The following AHRR variants were observed in gnomAD, a reference collection of about 807,000 sequenced individuals.
AHRR encodes the protein ahR repressor.
A neutral mutation model predicts 44.0 loss-of-function variants in AHRR; 28 were observed. The observed-to-expected ratio is 0.64, with a 90% CI of 0.47 to 0.87. The LOEUF (loss-of-function observed/expected upper bound fraction) is 0.87, where lower values mean the gene tolerates loss of function less well. Ranked by LOEUF, AHRR falls within the 40% of genes least tolerant of loss-of-function variation. The probability of loss-of-function intolerance (pLI) is 0.00; values close to 1 mark genes in which losing one functional copy is unlikely to be tolerated. For missense variants in AHRR, 990 were observed against 953.9 expected (o/e 1.04, Z -0.50); for synonymous variants, 434 against 407.0 (o/e 1.07, Z -0.80).
At chr5:345,962 C>G (rs1025627957) in intron 2 of AHRR, among the ~76,000 whole-genome samples, 6 of 152,200 alleles carry the variant, frequency 3.9e-5, no homozygotes, top group Admixed American at 6.5e-5. Flanking sequence ...AGTTTGCGGC[C>G]AAGGCCTCGC....
intron 4 of AHRR, among the ~76,000 whole-genome samples, chr5:390,970 AG>A (rs1008149969): frequency 1.1e-4 from 16 of 152,222 alleles, no homozygotes; most frequent in African/African-American, 3.9e-4. Context: ...CAGCCACAGA[AG>A]GGGTCTGGGT....
chr5:328,255 ATTTTTTTT>A lies in AHRR; in HGVS notation c.-11+6459_-11+6466del, dbSNP rs70955232. Among the ~76,000 whole-genome samples, 156 of 54,274 alleles carry A rather than the reference ATTTTTTTT, an allele frequency of 2.9e-3. 1 individual carries two copies. Among genetic ancestry groups the A allele is most frequent in the African/African-American group, 8.6e-3 (145 of 16,810 alleles). The allele number at this position is 54,274 out of a possible 152,430, so 35.6% of individuals were successfully genotyped here. ...TTCTCTGCATCCTCACCAACATCTG[ATTTTTTTT>A]TTTTTTTTTTTTTTTTTTTTTTGAG... On this transcript the variant is annotated intron_variant, in intron 1 of 10. Transcript: ENST00000684583.
rs1292818085 is a variant in AHRR at position 406,296 on chromosome 5, A to G, written c.352-7048A>G. Reference sequence around the variant, plus strand: ...GCATTTCTTGCAGGAACATGGAGGGACCGGAACATGGAGGGACCAGTCCAG... The same window carrying G: ...GCATTTCTTGCAGGAACATGGAGGGGCCGGAACATGGAGGGACCAGTCCAG... On this transcript the variant is annotated intron_variant, in intron 4 of 10. Transcript: ENST00000684583. This position sits in a 1 kb window ranked among gnomAD's most constrained non-coding sequence, Gnocchi z 4.7. Among the ~76,000 whole-genome samples the G allele has an allele frequency of 6.6e-6, 1 of 152,076 alleles. No individual in the cohort carries two copies. Among genetic ancestry groups the G allele is most frequent in the Non-Finnish European group, 1.5e-5 (1 of 68,016 alleles).
intron 1 of AHRR, among the ~76,000 whole-genome samples, chr5:329,642 C>T (rs1306946874): frequency 6.6e-6 from 1 of 152,128 alleles, no homozygotes; most frequent in Non-Finnish European, 1.5e-5. Flanking sequence ...TGGATGTTTT[C>T]GTGTTTGTGT....
chr5:423,716 G>T, intron 6 of AHRR, 125 bp from the exon 7 acceptor site: 1 of 1,288,518 alleles, frequency 7.8e-7, no homozygotes, highest in Non-Finnish European at 1.0e-6. Flanking sequence ...GCTGGGGGCG[G>T]GAGGATGGCA....
intron 1 of AHRR, chr5:343,495 T>TACCTTCTCGGGG (rs1410751901): frequency 2.3e-4 from 54 of 238,888 alleles, no homozygotes; most frequent in Non-Finnish European, 3.1e-4. Flanking sequence ...GGATCCCGCG[T>TACCTTCTCGGGG]GACGAGTGTT....
chr5:324,576 G>A (rs1456452249), intron 1 of AHRR, among the ~76,000 whole-genome samples: 5 of 151,332 alleles, frequency 3.3e-5, no homozygotes, highest in East Asian at 2.0e-4. Flanking sequence ...ACCTGAGGTC[G>A]GGAGTTCGAG....
At chr5:380,435 A>C (rs1337652337) in intron 4 of AHRR, among the ~76,000 whole-genome samples, 1 of 152,198 alleles carries the variant, frequency 6.6e-6, no homozygotes, top group Non-Finnish European at 1.5e-5. Context: ...TTGGCATTTG[A>C]ACAATACTGA....
chr5:413,133 C>A (rs1395312334), intron 4 of AHRR, among the ~76,000 whole-genome samples: 5 of 152,048 alleles, frequency 3.3e-5, no homozygotes, highest in African/African-American at 4.8e-5. Flanking sequence ...AGAAAAGGGG[C>A]CTTGTAAACC....
At chr5:378,173 G>A (rs1733822043) in intron 4 of AHRR, among the ~76,000 whole-genome samples, 1 of 152,186 alleles carries the variant, frequency 6.6e-6, no homozygotes, top group Admixed American at 6.5e-5. Context: ...TATTCCAACA[G>A]GGCAAAATAA....
chr5:327,906 G>T (rs890184358), intron 1 of AHRR, among the ~76,000 whole-genome samples: 2 of 151,990 alleles, frequency 1.3e-5, no homozygotes, highest in Non-Finnish European at 2.9e-5. Flanking sequence ...TTAGCATTAG[G>T]TATATCTCCT....
At chr5:384,374 T>C (rs899374226) in intron 4 of AHRR, among the ~76,000 whole-genome samples, 8 of 152,184 alleles carry the variant, frequency 5.3e-5, no homozygotes, top group African/African-American at 1.9e-4. Flanking sequence ...TCTTACACTT[T>C]TGCTTTATAT....
Position 415,716 on chromosome 5 carries a change from T to TAGGGGCCGAATCTGCCTGGTCGGGC in AHRR, c.441+2283_441+2284insAGGGGCCGAATCTGCCTGGTCGGGC, listed in dbSNP as rs1560916531. Among the ~76,000 whole-genome samples the TAGGGGCCGAATCTGCCTGGTCGGGC allele has an allele frequency of 2.3e-3, 288 of 124,108 alleles. 11 individuals carry two copies. Among genetic ancestry groups the TAGGGGCCGAATCTGCCTGGTCGGGC allele is most frequent in the Admixed American group, 0.02 (236 of 12,020 alleles). 81.4% of individuals were successfully genotyped at this position (124,108 alleles called of 152,430 possible). ...TAGGGGCGGAGTCTGCCTGGTCGGC[T>TAGGGGCCGAATCTGCCTGGTCGGGC]GGGAGGCCTAGGGGCTGTGCAGAGC... On this transcript the variant is annotated intron_variant, in intron 5 of 10. Transcript: ENST00000684583.
chr5:381,506 C>CTTTTTTTTTTTT lies in AHRR; in HGVS notation c.351+4806_351+4817dup, dbSNP rs781159124. On this transcript the variant is annotated intron_variant, in intron 4 of 10. Transcript: ENST00000684583. The stretch of plus-strand genomic sequence containing the variant: ...CATTAAATATATTAGCTTAGGTTTG[C>CTTTTTTTTTTTT]TTTTTTTTTTTTTTTTTTTTTTTTT... Among the ~76,000 whole-genome samples, 10 of 46,914 alleles carry CTTTTTTTTTTTT rather than the reference C, an allele frequency of 2.1e-4. 3 individuals are homozygous for CTTTTTTTTTTTT. The highest frequency in any genetic ancestry group is 2.1e-3 in the South Asian group (2 of 932). 30.8% of individuals were successfully genotyped at this position (46,914 alleles called of 152,430 possible). A position where few individuals can be genotyped will look rare whatever the true frequency, so the allele number is the denominator to read the frequency against.
chr5:349,099 A>G (rs1209481476), intron 2 of AHRR, among the ~76,000 whole-genome samples: 2 of 152,200 alleles, frequency 1.3e-5, no homozygotes, highest in Non-Finnish European at 2.9e-5. Context: ...CTTCTTCACC[A>G]TCCATATATC....
intron 3 of AHRR, among the ~76,000 whole-genome samples, chr5:354,267 T>C (rs1198966250): frequency 6.6e-6 from 1 of 152,206 alleles, no homozygotes; most frequent in East Asian, 1.9e-4. Context: ...TGGGCCTCAC[T>C]GGGGCTTCCC....
At position 342,471 on chromosome 5, in the gene AHRR, A is replaced by AAAT. The variant is rs1233506191; in HGVS notation, c.-10-1422_-10-1421insAAT. 6.6e-6 allele frequency among the ~76,000 whole-genome samples: 1 copy of AAAT among 152,206 alleles called. No individual in the cohort carries two copies. Among genetic ancestry groups the AAAT allele is most frequent in the African/African-American group, 2.4e-5 (1 of 41,448 alleles). On this transcript the variant is annotated intron_variant, in intron 1 of 10. Coordinates refer to ENST00000684583, the MANE Select transcript of AHRR (RefSeq NM_001377236.1). This position sits in a 1 kb window ranked among gnomAD's most constrained non-coding sequence, Gnocchi z 4.3. ...AGTCTTCTTTGTCTGGGACTCATAC[A>AAAT]GCTGCTTCATTTGATTAACGTTTGC...
chr5:433,414 G>A (rs1288516762), intron 10 of AHRR, among the ~76,000 whole-genome samples: 1 of 152,186 alleles, frequency 6.6e-6, no homozygotes, highest in Non-Finnish European at 1.5e-5. Context: ...GTCATGCAGT[G>A]CCAGTCCCAA....
At chr5:352,915 G>A (rs1442791357) in intron 2 of AHRR, among the ~76,000 whole-genome samples, 1 of 151,694 alleles carries the variant, frequency 6.6e-6, no homozygotes, top group Non-Finnish European at 1.5e-5. Flanking sequence ...GTAGGGGACG[G>A]TCACTCTGAG....
Sources: allele counts gnomAD v4.1 joint callset (sites outside exome capture counted in the v4.1 genomes callset), GRCh38; gene constraint gnomAD v4.1.1; non-coding constraint Gnocchi (gnomAD v3.1); transcripts MANE v1.5; gene names NCBI Gene and HGNC (gene_info 2026-07-23, HGNC 2026-07-21).